Variants in SPATA13 observed in about 807,000 individuals in gnomAD.
SPATA13 encodes the protein spermatogenesis-associated protein 13.
Under a neutral mutation model 104.0 loss-of-function variants are expected in SPATA13, and 50 were observed. That is an observed-to-expected ratio of 0.48 (90% confidence interval 0.38 to 0.61). SPATA13 has a LOEUF of 0.61. Ranked by LOEUF, SPATA13 falls within the 20% of genes least tolerant of loss-of-function variation. SPATA13 has a pLI of 0.00. For missense variants in SPATA13, 1,524 were observed against 1,690.6 expected (o/e 0.90, Z 1.73); for synonymous variants, 606 against 667.5 (o/e 0.91, Z 1.42).
intron 4 of SPATA13, among the ~76,000 whole-genome samples, chr13:24,263,891 GTGA>G (rs1874175799): frequency 6.6e-6 from 1 of 152,226 alleles, no homozygotes; most frequent in Non-Finnish European, 1.5e-5. Flanking sequence ...TCTGACTGCT[GTGA>G]GACAGCCTGG....
chr13:24,125,657 A>G (rs1356647009), intron 3 of SPATA13, among the ~76,000 whole-genome samples: 5 of 152,188 alleles, frequency 3.3e-5, no homozygotes, highest in African/African-American at 1.2e-4. Context: ...GAGATTGTCA[A>G]GATTCAAGGG....
chr13:24,122,919 T>C, intron 3 of SPATA13: 1 of 777,982 alleles, frequency 1.3e-6, no homozygotes, highest in Non-Finnish European at 2.4e-6. Context: ...TTGGGTTATC[T>C]CTTAATGATC....
intron 3 of SPATA13, among the ~76,000 whole-genome samples, chr13:24,024,802 G>A (rs904540300): frequency 6.6e-6 from 1 of 150,956 alleles, no homozygotes; most frequent in Non-Finnish European, 1.5e-5. Context: ...ACATGCCTGT[G>A]GCCCCAGTTA....
At chr13:24,279,984 G>T (rs948480530) in intron 4 of SPATA13, among the ~76,000 whole-genome samples, 3 of 152,170 alleles carry the variant, frequency 2.0e-5, no homozygotes, top group Non-Finnish European at 2.9e-5. Context: ...CCTCTCTTGT[G>T]ATTAACCTCA....
At chr13:24,157,520 T>G (rs1882297825), upstream of SPATA13, among the ~76,000 whole-genome samples, 1 of 152,166 alleles carries the variant, frequency 6.6e-6, no homozygotes, top group Admixed American at 6.5e-5. Flanking sequence ...CAGGATGGTC[T>G]CGATCTCCTG....
intron 1 of SPATA13, among the ~76,000 whole-genome samples, chr13:24,171,916 T>C (rs1311690249): frequency 6.6e-6 from 1 of 152,200 alleles, no homozygotes; most frequent in Non-Finnish European, 1.5e-5. Context: ...AAAATTCTTA[T>C]TTATCAGTGT....
intron 3 of SPATA13, among the ~76,000 whole-genome samples, chr13:24,145,861 G>A (rs1881911665): frequency 6.6e-6 from 1 of 152,224 alleles, no homozygotes; most frequent in African/African-American, 2.4e-5. Context: ...AGCACAGCTG[G>A]GGCTTGGAGG....
chr13:24,068,991 G>C (rs1047404010), intron 3 of SPATA13, among the ~76,000 whole-genome samples: 2 of 152,046 alleles, frequency 1.3e-5, no homozygotes, highest in Admixed American at 6.5e-5. Context: ...TTATTTTTCT[G>C]TGCAGAAGCT....
chr13:24,302,626 G>A lies in SPATA13; in HGVS notation c.3687G>A (p.Pro1229=), dbSNP rs750379282. 7 of 1,611,674 alleles carry A rather than the reference G, an allele frequency of 4.3e-6. No individual in the cohort carries two copies. The highest frequency in any genetic ancestry group is 1.7e-5 in the Admixed American group (1 of 59,920). ...ACAACAGGTGCCCTGTGGCCCCACC[G>A]CACCAGGGCCTGCACCCCATCCACC... The part of the protein sequence containing the change: ...KGYNRCPVAP[P]HQGLHPIHQR... Residue 1229 remains proline (P), a synonymous_variant, in exon 13 of 13, where the codon CCG becomes CCA. Coordinates refer to ENST00000382108, the MANE Select transcript of SPATA13 (RefSeq NM_001166271.3).
rs1443394119 is a variant in SPATA13, at chr13:24,223,970, C to G, written c.1041C>G (p.Ala347=). ...GTGGGGCCCCATCCCCTGGAGAGGCCAGCCTGAGACTTCAGGCACACAGCC... is the reference window on the plus strand; with the variant it reads ...GTGGGGCCCCATCCCCTGGAGAGGCGAGCCTGAGACTTCAGGCACACAGCC... ...PRSGAPSPGE[A]SLRLQAHSRL... is the part of the protein sequence containing the mutation. Residue 347 remains alanine, a synonymous_variant, in exon 2 of 13, where the codon GCC becomes GCG. Coordinates refer to ENST00000382108, the MANE Select transcript of SPATA13 (RefSeq NM_001166271.3). 1 of 1,549,170 alleles carries G rather than the reference C, an allele frequency of 6.5e-7. No individual in the cohort carries two copies. The highest frequency in any genetic ancestry group is 2.4e-5 in the East Asian group (1 of 40,834).
intron 3 of SPATA13, among the ~76,000 whole-genome samples, chr13:24,059,183 G>T (rs1878690063): frequency 6.6e-6 from 1 of 151,624 alleles, no homozygotes. Flanking sequence ...GTGTTAGCCA[G>T]GATGGTCTCG....
Position 24,160,918 on chromosome 13 carries a change from G to C in SPATA13, c.-126G>C. The C allele has an allele frequency of 2.0e-6, 2 of 985,682 alleles. No individual in the cohort carries two copies. The highest frequency in any genetic ancestry group is 9.4e-5 in the South Asian group (2 of 21,292). The allele number at this position is 985,682 out of a possible 1,614,324, so 61.1% of individuals were successfully genotyped here. ...ACGCTGACTTTGTAGGCTCCGCCAA[G>C]AGGCGCCGCAGGAGGTAAGACGGCT... On this transcript the variant is annotated 5_prime_UTR_variant, in exon 1 of 13. Transcript: ENST00000382108.
At chr13:24,164,282 C>T (rs1002193614) in intron 1 of SPATA13, among the ~76,000 whole-genome samples, 2 of 152,238 alleles carry the variant, frequency 1.3e-5, no homozygotes, top group African/African-American at 4.8e-5. Context: ...TTGGCCTCTG[C>T]TGTACCCACA....
chr13:24,290,266 A>T (rs1447812389), intron 8 of SPATA13, among the ~76,000 whole-genome samples: 1 of 152,252 alleles, frequency 6.6e-6, no homozygotes, highest in Non-Finnish European at 1.5e-5. Flanking sequence ...AACCACAAAG[A>T]ATAAGCAACG....
chr13:24,131,323 C>T (rs1471719318), intron 3 of SPATA13, among the ~76,000 whole-genome samples: 1 of 152,134 alleles, frequency 6.6e-6, no homozygotes, highest in Non-Finnish European at 1.5e-5. Flanking sequence ...TGGACTTGTG[C>T]AGAAAGCATT....
rs182844337 is a variant in SPATA13, at chr13:24,220,636, C to T, written c.-111-2183C>T. Among the ~76,000 whole-genome samples, 84 of 152,324 alleles carry T rather than the reference C, an allele frequency of 5.5e-4. 1 individual carries two copies. Among genetic ancestry groups the T allele is most frequent in the African/African-American group, 1.8e-3 (75 of 41,560 alleles). The stretch of plus-strand genomic sequence containing the variant: ...TTATGTGGCTCATCCAAATGTAACC[C>T]CCAGCTCCTCTGGCCCCCTAATTCC... On this transcript the variant is annotated intron_variant, in intron 1 of 12. Transcript: ENST00000382108.
At chr13:24,229,004 G>A (rs992142908) in intron 2 of SPATA13, among the ~76,000 whole-genome samples, 2 of 152,350 alleles carry the variant, frequency 1.3e-5, no homozygotes, top group East Asian at 3.9e-4. Context: ...TACAAAGCAT[G>A]CCATGCTCCT....
At position 24,269,687 on chromosome 13, in the gene SPATA13, G is replaced by A. The variant is rs960569935; in HGVS notation, c.2165-14448G>A. ...GGGCTCAAGCAATCCTCCCACCTCAGCCTCCTGAGTAGCTGGGACCACAGG... is the reference window on the plus strand; with the variant it reads ...GGGCTCAAGCAATCCTCCCACCTCAACCTCCTGAGTAGCTGGGACCACAGG... On this transcript the variant is annotated intron_variant, in intron 4 of 12. Coordinates refer to ENST00000382108, the MANE Select transcript of SPATA13 (RefSeq NM_001166271.3). Among the ~76,000 whole-genome samples the A allele has an allele frequency of 1.3e-4, 20 of 150,192 alleles. No homozygotes were observed. The Admixed American group carries it at 1.3e-3, about 10-fold the overall frequency.
intron 4 of SPATA13, among the ~76,000 whole-genome samples, chr13:24,282,935 AG>A (rs1195984055): frequency 1.3e-5 from 2 of 152,164 alleles, no homozygotes; most frequent in Non-Finnish European, 2.9e-5. Context: ...CTGTCATATG[AG>A]GGGACTCTAC....
Sources: allele counts gnomAD v4.1 joint callset (sites outside exome capture counted in the v4.1 genomes callset), GRCh38; gene constraint gnomAD v4.1.1; transcripts MANE v1.5; gene names NCBI Gene and HGNC (gene_info 2026-07-23, HGNC 2026-07-21).